Variants in OLFM3 observed in about 807,000 individuals in gnomAD.
OLFM3 encodes the protein noelin-3.
OLFM3 carries 20 observed loss-of-function variants against 48.6 expected under a neutral mutation model. The ratio of observed to expected loss-of-function variants is 0.41; its 90% CI spans 0.29 to 0.60. The LOEUF (loss-of-function observed/expected upper bound fraction) is 0.60. Ranked by LOEUF, OLFM3 falls within the 20% of genes least tolerant of loss-of-function variation. The pLI is 0.28. For synonymous variants in OLFM3, 222 were observed against 198.1 expected (o/e 1.12, Z -1.01); for missense variants, 437 against 544.3 (o/e 0.80, Z 1.96).
chr1:101,887,355 A>G (rs965349604), intron 1 of OLFM3, among the ~76,000 whole-genome samples: 1 of 152,024 alleles, frequency 6.6e-6, no homozygotes, highest in Admixed American at 6.6e-5. Context: ...GAGCTCCTAG[A>G]TATTTATAAT....
intron 1 of OLFM3, chr1:101,883,010 G>T (rs369826981): frequency 6.6e-6 from 1 of 151,860 alleles, no homozygotes; most frequent in Non-Finnish European, 1.5e-5. Context: ...TTAGTTCAAG[G>T]CTTTGGGTAG....
At chr1:101,850,934 G>A (rs1018863449) in intron 1 of OLFM3, among the ~76,000 whole-genome samples, 6 of 137,344 alleles carry the variant, frequency 4.4e-5, no homozygotes, top group African/African-American at 1.5e-4. Context: ...AAGAAAAAAA[G>A]AGATAAGAAG....
chr1:101,837,103 G>A (rs1655460120), intron 1 of OLFM3, 78 bp from the exon 2 acceptor site: 2 of 1,385,690 alleles, frequency 1.4e-6, no homozygotes, highest in South Asian at 2.7e-5. Context: ...AGCATTTCAA[G>A]TAAAACACTT....
chr1:101,837,140 A>T (rs759881487), intron 1 of OLFM3, 115 bp from the exon 2 acceptor site: 23 of 1,086,358 alleles, frequency 2.1e-5, no homozygotes, highest in Non-Finnish European at 3.0e-5. Flanking sequence ...TTGTGTTTTC[A>T]ATCTTTAAAG....
chr1:101,841,867 T>C (rs1242125368), intron 1 of OLFM3, among the ~76,000 whole-genome samples: 1 of 152,218 alleles, frequency 6.6e-6, no homozygotes, highest in Non-Finnish European at 1.5e-5. Context: ...AATCTGTTTA[T>C]TAAAACTTAC....
chr1:101,933,806 T>C (rs1570643871), intron 1 of OLFM3, among the ~76,000 whole-genome samples: 1 of 152,114 alleles, frequency 6.6e-6, no homozygotes, highest in East Asian at 1.9e-4. Context: ...TGGGGGCCTA[T>C]ATACAGCATT....
intron 1 of OLFM3, among the ~76,000 whole-genome samples, chr1:101,963,393 A>G (rs1026518590): frequency 4.6e-5 from 7 of 152,114 alleles, no homozygotes; most frequent in African/African-American, 1.7e-4. Context: ...GTCCAGTATA[A>G]GTTTTATGTG....
chr1:101,812,628 T>C (rs1654122772), intron 4 of OLFM3: 1 of 985,574 alleles, frequency 1.0e-6, no homozygotes, highest in Non-Finnish European at 1.2e-6. Flanking sequence ...GCTTGGGGTG[T>C]CTTTGGCTTC....
chr1:101,961,350 T>C (rs1660462014), intron 1 of OLFM3, among the ~76,000 whole-genome samples: 1 of 152,094 alleles, frequency 6.6e-6, no homozygotes, highest in Admixed American at 6.6e-5. Flanking sequence ...GTAACATATT[T>C]AAAATAGATA....
intron 1 of OLFM3, among the ~76,000 whole-genome samples, chr1:101,915,212 C>T (rs1360939285): frequency 1.3e-5 from 2 of 152,084 alleles, no homozygotes; most frequent in African/African-American, 4.8e-5. Context: ...TATAATTGGG[C>T]CATTATGCTC....
chr1:101,957,648 C>T (rs941203044), intron 1 of OLFM3, among the ~76,000 whole-genome samples: 6 of 151,914 alleles, frequency 3.9e-5, no homozygotes, highest in Admixed American at 3.9e-4. Context: ...CTTTTTCTTC[C>T]TTGAAATTTA....
At chr1:101,926,750 G>A (rs555035628) in intron 1 of OLFM3, among the ~76,000 whole-genome samples, 5 of 152,240 alleles carry the variant, frequency 3.3e-5, no homozygotes, top group East Asian at 3.9e-4. Context: ...ATTCTATTAC[G>A]ATGAATTATA....
chr1:101,910,252 G>C (rs1658704903), intron 1 of OLFM3: 1 of 342,396 alleles, frequency 2.9e-6, no homozygotes. Flanking sequence ...GGATCACAAG[G>C]TCAGGAGATC....
chr1:101,992,857 G>T (rs1661454469), intron 1 of OLFM3, among the ~76,000 whole-genome samples: 1 of 152,038 alleles, frequency 6.6e-6, no homozygotes. Flanking sequence ...GTTATTTAGG[G>T]CAAGAGATCT....
intron 1 of OLFM3, among the ~76,000 whole-genome samples, chr1:101,847,296 C>T (rs1428895162): frequency 6.6e-6 from 1 of 152,000 alleles, no homozygotes; most frequent in Non-Finnish European, 1.5e-5. Flanking sequence ...AGTTAGTTAC[C>T]ATCAACAGAA....
chr1:101,868,682 A>G (rs1656951844), intron 1 of OLFM3, among the ~76,000 whole-genome samples: 1 of 152,228 alleles, frequency 6.6e-6, no homozygotes, highest in African/African-American at 2.4e-5. Context: ...ACAATGGGGA[A>G]AATGTCTCCA....
In OLFM3 at chr1:101,804,550, G is replaced by A. The variant is rs144970574; in HGVS notation, c.1065C>T (p.Asn355=). Reference sequence around the variant, plus strand: ...TCTTCATCACCTCCAAGGTATCTTGGTTAAGTTGGCTGATGACAATATTGC... The same window carrying A: ...TCTTCATCACCTCCAAGGTATCTTGATTAAGTTGGCTGATGACAATATTGC... ...NAGNIVISQL[N]QDTLEVMKSW... is the part of the protein sequence containing the mutation. The change falls in exon 6 of 6, where the codon AAC becomes AAT. Residue 355 remains asparagine, a synonymous_variant. Transcript: ENST00000370103. This position sits in a 1 kb window ranked among gnomAD's most constrained non-coding sequence, Gnocchi z 4.5. The A allele has an allele frequency of 4.0e-5, 64 of 1,612,560 alleles. No homozygotes were observed. The African/African-American group carries it at 7.2e-4, about 18-fold the overall frequency.
chr1:101,811,617 C>T (rs1007097375), intron 4 of OLFM3, among the ~76,000 whole-genome samples: 36 of 152,204 alleles, frequency 2.4e-4, no homozygotes, highest in South Asian at 1.7e-3. Context: ...CAGAGAAATG[C>T]AAATCAAAAC....
At chr1:101,873,921 T>C (rs1313477377) in intron 1 of OLFM3, among the ~76,000 whole-genome samples, 1 of 151,938 alleles carries the variant, frequency 6.6e-6, no homozygotes, top group Non-Finnish European at 1.5e-5. Context: ...TTACATTTTA[T>C]TTATTAAAAT....
Sources: gnomAD v4.1 joint callset for allele counts (sites outside exome capture counted in the v4.1 genomes callset) on GRCh38, gnomAD v4.1.1 for gene constraint, Gnocchi (gnomAD v3.1) non-coding constraint, MANE v1.5 for transcripts, NCBI Gene and HGNC (gene_info 2026-07-23, HGNC 2026-07-21) for gene names.